The following SCEL variants were observed in gnomAD, a reference collection of about 807,000 sequenced individuals.
SCEL encodes sciellin.
Under a neutral mutation model 117.6 loss-of-function variants are expected in SCEL, and 113 were observed. That is an observed-to-expected ratio of 0.96 (90% confidence interval 0.83 to 1.12). The LOEUF (loss-of-function observed/expected upper bound fraction) is 1.12, where lower values mean the gene tolerates loss of function less well. Ranked by LOEUF, SCEL falls within the 50% of genes most tolerant of loss-of-function variation. The pLI, the probability that SCEL is intolerant of heterozygous loss-of-function variation, is 0.00. For synonymous variants in SCEL, 270 were observed against 256.2 expected (o/e 1.05, Z -0.51); for missense variants, 785 against 810.8 (o/e 0.97, Z 0.39).
At chr13:77,595,603 T>C (rs2087178632) in intron 12 of SCEL, among the ~76,000 whole-genome samples, 1 of 152,048 alleles carries the variant, frequency 6.6e-6, no homozygotes, top group African/African-American at 2.4e-5. Context: ...AGCCTGGGGC[T>C]AAAATTTATA....
At position 77,599,374 on chromosome 13, in the gene SCEL, A is replaced by C; in HGVS notation, c.843A>C (p.Glu281Asp). The change falls in exon 14 of 33, where the codon GAA (glutamate) becomes GAC (aspartate). Residue 281 changes from glutamate to aspartate, a missense_variant. Transcript: ENST00000349847. ...DSLFRANPKV[E>D]EREKRAKSLE... Reference sequence around the variant, plus strand: ...TCTTCAGAGCAAATCCAAAGGTAGAAGAAAGAGAGAAAAGGTAAGTGCATC... The same window carrying C: ...TCTTCAGAGCAAATCCAAAGGTAGACGAAAGAGAGAAAAGGTAAGTGCATC... 1 of 1,612,322 alleles carries C rather than the reference A, an allele frequency of 6.2e-7. No homozygotes were observed. The highest frequency in any genetic ancestry group is 8.5e-7 in the Non-Finnish European group (1 of 1,178,688).
rs141058479 is a variant in SCEL at position 77,636,063 on chromosome 13, G to A, written c.1764-1057G>A. ...TGACCGGAAGCCTCTGAAAGGATTC[G>A]TTGCCTCCTGTACCTTAACCTAGCA... is the stretch of plus-strand genomic sequence containing the variant. On this transcript the variant is annotated intron_variant, in intron 29 of 32. Transcript: ENST00000349847. Among the ~76,000 whole-genome samples the A allele has an allele frequency of 4.7e-3, 709 of 152,282 alleles. 8 individuals carry two copies. The highest frequency in any genetic ancestry group is 0.016 in the African/African-American group (683 of 41,550).
At chr13:77,570,117 A>G (rs1337529994) in intron 8 of SCEL, among the ~76,000 whole-genome samples, 1 of 152,156 alleles carries the variant, frequency 6.6e-6, no homozygotes. Context: ...AGTGCTTTTA[A>G]ATTTTCTCAA....
chr13:77,536,532 T>C (rs1010182614), intron 1 of SCEL, among the ~76,000 whole-genome samples: 1 of 152,188 alleles, frequency 6.6e-6, no homozygotes, highest in African/African-American at 2.4e-5. Flanking sequence ...TTAATGTATA[T>C]GGGGGCAATT....
chr13:77,640,684 T>C lies in SCEL; in HGVS notation c.1847T>C (p.Ile616Thr). The stretch of plus-strand genomic sequence containing the variant: ...TGCTTACATTTCTATAGGTCTGTCA[T>C]TGAAAGAGATATGTGCACTTACTGC... ...TVYSTSDRSV[I>T]ERDMCTYCRK... Residue 616 changes from isoleucine to threonine, a missense_variant, in exon 31 of 33, where the codon ATT becomes ACT. Ile to Thr is a moderately conservative substitution (Grantham distance 89). Transcript: ENST00000349847. 6.4e-7 allele frequency: 1 copy of C among 1,568,534 alleles called. No individual in the cohort carries two copies. Among genetic ancestry groups the C allele is most frequent in the Non-Finnish European group, 8.7e-7 (1 of 1,147,584 alleles).
At chr13:77,637,077 G>A in intron 29 of SCEL, 43 bp from the exon 30 acceptor site, 4 of 1,009,534 alleles carry the variant, frequency 4.0e-6, no homozygotes, top group Non-Finnish European at 4.5e-6. Flanking sequence ...TCTACATAAG[G>A]AAAATCACCT....
chr13:77,544,150 A>G (rs1286523620), intron 1 of SCEL, among the ~76,000 whole-genome samples: 1 of 151,896 alleles, frequency 6.6e-6, no homozygotes, highest in Non-Finnish European at 1.5e-5. Flanking sequence ...CAAAATAGTT[A>G]TTATTATTGT....
chr13:77,602,802 T>C, intron 17 of SCEL, 89 bp downstream of exon 17: 5 of 1,158,894 alleles, frequency 4.3e-6, no homozygotes, highest in African/African-American at 3.0e-5. Context: ...TTGTTTGGCT[T>C]CTCTCTTCTG....
chr13:77,637,920 C>T (rs1169161083), intron 30 of SCEL, among the ~76,000 whole-genome samples: 6 of 152,132 alleles, frequency 3.9e-5, no homozygotes, highest in Admixed American at 2.0e-4. Flanking sequence ...TTCAGTGGAG[C>T]ACCTAGGTGA....
chr13:77,557,022 T>C (rs546361528), intron 3 of SCEL, among the ~76,000 whole-genome samples: 1 of 152,316 alleles, frequency 6.6e-6, no homozygotes, highest in East Asian at 1.9e-4. Flanking sequence ...CTTTCCAGTT[T>C]CCAAAAAGGT....
intron 30 of SCEL, among the ~76,000 whole-genome samples, chr13:77,639,803 A>G (rs1282265453): frequency 2.0e-5 from 3 of 152,074 alleles, no homozygotes; most frequent in Non-Finnish European, 4.4e-5. Context: ...TCACTACCCC[A>G]TTACATATCC....
At chr13:77,571,622 G>C (rs972994746) in intron 8 of SCEL, among the ~76,000 whole-genome samples, 1 of 151,638 alleles carries the variant, frequency 6.6e-6, no homozygotes, top group African/African-American at 2.4e-5. Flanking sequence ...CCGGGAGACG[G>C]AAGTTGTGGT....
chr13:77,619,884 C>G (rs1335682899), intron 27 of SCEL, among the ~76,000 whole-genome samples: 1 of 152,234 alleles, frequency 6.6e-6, no homozygotes, highest in South Asian at 2.1e-4. Context: ...CCCCTTTCCT[C>G]CCTCAGTCCC....
chr13:77,559,877 C>A lies in SCEL; in HGVS notation c.221+14C>A. On this transcript the variant is annotated intron_variant, in intron 4 of 32. Coordinates refer to ENST00000349847, the MANE Select transcript of SCEL (RefSeq NM_144777.3). ...TGCATTGGACAGGTGGGTGTTTAGA[C>A]ATGTTACATCATGAGCAGAAACACA... 6.2e-7 allele frequency: 1 copy of A among 1,602,686 alleles called. No individual in the cohort carries two copies. The highest frequency in any genetic ancestry group is 1.3e-5 in the African/African-American group (1 of 74,834).
chr13:77,598,254 G>T (rs2154401055), intron 13 of SCEL, among the ~76,000 whole-genome samples: 1 of 152,312 alleles, frequency 6.6e-6, no homozygotes, highest in Non-Finnish European at 1.5e-5. Flanking sequence ...CAAGGCTTGT[G>T]TTTGTGGTAA....
At chr13:77,558,819 C>CAA (rs58052726) in intron 3 of SCEL, among the ~76,000 whole-genome samples, 1,056 of 89,648 alleles carry the variant, frequency 0.012, 32 homozygotes, top group Non-Finnish European at 0.015. Context: ...CTCTGTCTTA[C>CAA]AAAAAAAAAA....
At chr13:77,539,903 A>G (rs1182511486) in intron 1 of SCEL, among the ~76,000 whole-genome samples, 1 of 152,182 alleles carries the variant, frequency 6.6e-6, no homozygotes, top group Non-Finnish European at 1.5e-5. Context: ...TAGAATTTCT[A>G]AAAAGGAAGT....
chr13:77,549,478 T>C (rs772057999), intron 1 of SCEL, among the ~76,000 whole-genome samples: 1 of 152,250 alleles, frequency 6.6e-6, no homozygotes, highest in Non-Finnish European at 1.5e-5. Context: ...TAATCTGCTA[T>C]ACCCCATTGT....
chr13:77,566,005 C>T (rs1431413992), intron 5 of SCEL, among the ~76,000 whole-genome samples: 1 of 152,106 alleles, frequency 6.6e-6, no homozygotes, highest in Admixed American at 6.5e-5. Context: ...AATTTAATTT[C>T]CAGGATAAAT....
Sources: allele counts gnomAD v4.1 joint callset (sites outside exome capture counted in the v4.1 genomes callset), GRCh38; gene constraint gnomAD v4.1.1; transcripts MANE v1.5; gene names NCBI Gene and HGNC (gene_info 2026-07-23, HGNC 2026-07-21).